Variants in CLDN3 observed in about 807,000 individuals in gnomAD.
The protein encoded by CLDN3 is claudin-3.
Under a neutral mutation model 16.3 loss-of-function variants are expected in CLDN3, and 6 were observed. The ratio of observed to expected loss-of-function variants is 0.37; its 90% CI spans 0.20 to 0.73. The LOEUF is 0.73. CLDN3 is among the 30% of genes least tolerant of loss of function. The pLI, the probability that CLDN3 is intolerant of heterozygous loss-of-function variation, is 0.52. For missense variants in CLDN3, 248 were observed against 305.2 expected (o/e 0.81, Z 1.40); for synonymous variants, 145 against 150.1 (o/e 0.97, Z 0.25).
rs1787029911 is a variant in CLDN3, at chr7:73,770,159, G to C, written c.-110C>G. On this transcript the variant is annotated 5_prime_UTR_variant, in exon 1 of 1. Transcript: ENST00000395145. The surrounding 1 kb of genome is among the most constrained non-coding windows in gnomAD (Gnocchi z 5.7). ...GCGGCGCCCCGACGGACGGACGGACGGACGGACTGACTCACCGACGGCGCG... is the reference window on the plus strand; with the variant it reads ...GCGGCGCCCCGACGGACGGACGGACCGACGGACTGACTCACCGACGGCGCG... The C allele has an allele frequency of 7.4e-7, 1 of 1,360,082 alleles. No individual in the cohort carries two copies. The highest frequency in any genetic ancestry group is 3.8e-5 in the Admixed American group (1 of 26,186). 84.3% of individuals were successfully genotyped at this position (1,360,082 alleles called of 1,614,324 possible).
In CLDN3 at chr7:73,770,052, C is replaced by CCT; in HGVS notation, c.-4_-3insAG. The CCT allele has an allele frequency of 6.5e-7, 1 of 1,537,694 alleles. No homozygotes were observed. The highest frequency in any genetic ancestry group is 1.4e-5 in the African/African-American group (1 of 71,924). Reference sequence around the variant, plus strand: ...GTGATCTCCAGGCCCATGGACATGGCTGCCGCGGCAAGGCCCGCTCCACCG... The same window carrying CCT: ...GTGATCTCCAGGCCCATGGACATGGCCTTGCCGCGGCAAGGCCCGCTCCACCG... On this transcript the variant is annotated 5_prime_UTR_variant, in exon 1 of 1. Coordinates refer to ENST00000395145, the MANE Select transcript of CLDN3 (RefSeq NM_001306.4). The surrounding 1 kb of genome is among the most constrained non-coding windows in gnomAD (Gnocchi z 5.7).
chr7:73,769,447 C>A lies in CLDN3; in HGVS notation c.603G>T (p.Pro201=), dbSNP rs782717641. 1 of 1,605,462 alleles carries A rather than the reference C, an allele frequency of 6.2e-7. No individual in the cohort carries two copies. Among genetic ancestry groups the A allele is most frequent in the Admixed American group, 1.7e-5 (1 of 59,960 alleles). ...YTATKVVYSA[P]RSTGPGASLG... is the part of the protein sequence containing the mutation. The stretch of plus-strand genomic sequence containing the variant: ...GGCTGGCTCCCGGGCCGGTGGAGCG[C>A]GGCGCGGAGTAGACGACCTTGGTGG... The change falls in exon 1 of 1, where the codon CCG becomes CCT. Residue 201 remains proline, a synonymous_variant. Coordinates refer to ENST00000395145, the MANE Select transcript of CLDN3 (RefSeq NM_001306.4).
In CLDN3 at chr7:73,769,129, G is replaced by T. The variant is rs1262832654; in HGVS notation, c.*258C>A. ...TGGTCAAGTATTGGCGGTCACCCAG[G>T]CCCCGTGCTCCAGAAGGGTGAGGTT... On this transcript the variant is annotated 3_prime_UTR_variant, in exon 1 of 1. Transcript: ENST00000395145. 5.6e-6 allele frequency: 5 copies of T among 900,830 alleles called. No individual in the cohort carries two copies. Among genetic ancestry groups the T allele is most frequent in the Non-Finnish European group, 7.8e-6 (5 of 641,188 alleles). 55.8% of individuals were successfully genotyped at this position (900,830 alleles called of 1,614,324 possible).
chr7:73,769,510 G>A lies in CLDN3; in HGVS notation c.540C>T (p.Leu180=). Residue 180 remains leucine, a synonymous_variant, in exon 1 of 1, where the codon CTC becomes CTT. Transcript: ENST00000395145. ...TCTCGCGTGGGGGACACGAGCAGCA[G>A]AGCAGCGCGCCCCCCAGCAGCTGCA... The part of the protein sequence containing the change: ...AALQLLGGAL[L]CCSCPPREKK... 1 of 1,608,562 alleles carries A rather than the reference G, an allele frequency of 6.2e-7. No homozygotes were observed. The highest frequency in any genetic ancestry group is 1.1e-5 in the South Asian group (1 of 90,770).
chr7:73,769,684 C>T lies in CLDN3; in HGVS notation c.366G>A (p.Val122=). The T allele has an allele frequency of 1.2e-6, 2 of 1,612,582 alleles. No individual in the cohort carries two copies. The highest frequency in any genetic ancestry group is 1.7e-6 in the Non-Finnish European group (2 of 1,179,764). The change falls in exon 1 of 1, where the codon GTG becomes GTA. Residue 122 remains valine (V), a synonymous_variant. Coordinates refer to ENST00000395145, the MANE Select transcript of CLDN3 (RefSeq NM_001306.4). ...AKAKITIVAG[V]LFLLAALLTL... is the part of the protein sequence containing the mutation. ...TGAGCAGGGCGGCGAGAAGGAACAG[C>T]ACGCCTGCCACGATGGTGATCTTGG...
chr7:73,769,522 C>G lies in CLDN3; in HGVS notation c.528G>C (p.Gly176=), dbSNP rs1787011880. ...GACACGAGCAGCAGAGCAGCGCGCC[C>G]CCCAGCAGCTGCAGCGCCGCGGCCG... ...GWAAAALQLL[G]GALLCCSCPP... is the part of the protein sequence containing the mutation. The change falls in exon 1 of 1, where the codon GGG becomes GGC. Residue 176 remains glycine (G), a synonymous_variant. Transcript: ENST00000395145. The G allele has an allele frequency of 6.2e-7, 1 of 1,607,030 alleles. No individual in the cohort carries two copies. The highest frequency in any genetic ancestry group is 8.5e-7 in the Non-Finnish European group (1 of 1,177,350).
Position 73,769,206 on chromosome 7 carries a change from G to A in CLDN3, c.*181C>T. On this transcript the variant is annotated 3_prime_UTR_variant, in exon 1 of 1. Transcript: ENST00000395145. ...GGCCCCGAAGTCGACTGCCCGGCCC[G>A]CAAAGCCGTGGCTGCTGGGGAAGCT... The A allele has an allele frequency of 2.8e-6, 4 of 1,411,428 alleles. No individual in the cohort carries two copies. The highest frequency in any genetic ancestry group is 1.5e-5 in the African/African-American group (1 of 67,996). The allele number at this position is 1,411,428 out of a possible 1,614,324, so 87.4% of individuals were successfully genotyped here. A position where few individuals can be genotyped will look rare whatever the true frequency, so the allele number is the denominator to read the frequency against.
chr7:73,770,114 C>T lies in CLDN3; in HGVS notation c.-65G>A. On this transcript the variant is annotated 5_prime_UTR_variant, in exon 1 of 1. Transcript: ENST00000395145. This position sits in a 1 kb window ranked among gnomAD's most constrained non-coding sequence, Gnocchi z 5.7. ...GTGCGGGGAGACGAGGGGCCGGGGC[C>T]GCTGGGCCTGGCGGGAGCTGCGGCG... The T allele has an allele frequency of 2.1e-6, 3 of 1,398,458 alleles. No homozygotes were observed. The highest frequency in any genetic ancestry group is 2.8e-6 in the Non-Finnish European group (3 of 1,082,500). The allele number at this position is 1,398,458 out of a possible 1,614,324, so 86.6% of individuals were successfully genotyped here.
rs1554626792 is a variant in CLDN3, at chr7:73,770,094, G to A, written c.-45C>T. ...GCTCCACCGGGTGGCTCCGGGTGCG[G>A]GGAGACGAGGGGCCGGGGCCGCTGG... On this transcript the variant is annotated 5_prime_UTR_variant, in exon 1 of 1. Coordinates refer to ENST00000395145, the MANE Select transcript of CLDN3 (RefSeq NM_001306.4). The surrounding 1 kb of genome is among the most constrained non-coding windows in gnomAD (Gnocchi z 5.7). 2 of 1,426,616 alleles carry A rather than the reference G, an allele frequency of 1.4e-6. No homozygotes were observed. Among genetic ancestry groups the A allele is most frequent in the Non-Finnish European group, 1.8e-6 (2 of 1,092,614 alleles). The allele number at this position is 1,426,616 out of a possible 1,614,324, so 88.4% of individuals were successfully genotyped here.
At position 73,770,016 on chromosome 7, in the gene CLDN3, G is replaced by A. The variant is rs369345458; in HGVS notation, c.34C>T (p.Leu12=). 49 of 1,605,992 alleles carry A rather than the reference G, an allele frequency of 3.1e-5. No homozygotes were observed. The highest frequency in any genetic ancestry group is 4.0e-5 in the Non-Finnish European group (47 of 1,176,534). Residue 12 remains leucine, a synonymous_variant, in exon 1 of 1, where the codon CTG becomes TTG. Transcript: ENST00000395145. This position sits in a 1 kb window ranked among gnomAD's most constrained non-coding sequence, Gnocchi z 5.7. Reference sequence around the variant, plus strand: ...GTGCCCAGCCAGCCCAGCACGGCCAGCGCGGTGCCCGTGATCTCCAGGCCC... The same window carrying A: ...GTGCCCAGCCAGCCCAGCACGGCCAACGCGGTGCCCGTGATCTCCAGGCCC... The part of the protein sequence containing the change: ...SMGLEITGTA[L]AVLGWLGTIV...
rs1554626822 is a variant in CLDN3 at position 73,770,184 on chromosome 7, G to A, written c.-135C>T. On this transcript the variant is annotated 5_prime_UTR_variant, in exon 1 of 1. Coordinates refer to ENST00000395145, the MANE Select transcript of CLDN3 (RefSeq NM_001306.4). The surrounding 1 kb of genome is among the most constrained non-coding windows in gnomAD (Gnocchi z 5.7). ...GGACGGACTGACTCACCGACGGCGC[G>A]CGCTAACGGCTCGGCTCCATACGCT... The A allele has an allele frequency of 2.2e-5, 29 of 1,291,554 alleles. No homozygotes were observed. In the East Asian group the frequency reaches 7.6e-4, roughly 34 times the overall value. The allele number at this position is 1,291,554 out of a possible 1,614,324, so 80.0% of individuals were successfully genotyped here. A position where few individuals can be genotyped will look rare whatever the true frequency, so the allele number is the denominator to read the frequency against.
At position 73,769,264 on chromosome 7, in the gene CLDN3, TG is replaced by T. The variant is rs1411744976; in HGVS notation, c.*122del. The T allele has an allele frequency of 4.1e-6, 6 of 1,450,740 alleles. No individual in the cohort carries two copies. In the African/African-American group the frequency reaches 4.3e-5, roughly 10 times the overall value. 89.9% of individuals were successfully genotyped at this position (1,450,740 alleles called of 1,614,324 possible). On this transcript the variant is annotated 3_prime_UTR_variant, in exon 1 of 1. Coordinates refer to ENST00000395145, the MANE Select transcript of CLDN3 (RefSeq NM_001306.4). Reference sequence around the variant, plus strand: ...TCCAGCGCGGGGGCTTCCTGGCTTCTGGGGGTGGGCTGGCCTCCGAGGCAAG... The same window carrying T: ...TCCAGCGCGGGGGCTTCCTGGCTTCTGGGGTGGGCTGGCCTCCGAGGCAAG...
chr7:73,769,127 A>G lies in CLDN3; in HGVS notation c.*260T>C, dbSNP rs1449284482. ...GGTGGTCAAGTATTGGCGGTCACCC[A>G]GGCCCCGTGCTCCAGAAGGGTGAGG... is the stretch of plus-strand genomic sequence containing the variant. On this transcript the variant is annotated 3_prime_UTR_variant, in exon 1 of 1. Transcript: ENST00000395145. The G allele has an allele frequency of 1.1e-6, 1 of 888,148 alleles. No homozygotes were observed. The highest frequency in any genetic ancestry group is 1.6e-6 in the Non-Finnish European group (1 of 630,498). The allele number at this position is 888,148 out of a possible 1,614,324, so 55.0% of individuals were successfully genotyped here.
At position 73,770,186 on chromosome 7, in the gene CLDN3, G is replaced by C; in HGVS notation, c.-137C>G. On this transcript the variant is annotated 5_prime_UTR_variant, in exon 1 of 1. Transcript: ENST00000395145. The surrounding 1 kb of genome is among the most constrained non-coding windows in gnomAD (Gnocchi z 5.7). ...ACGGACTGACTCACCGACGGCGCGC[G>C]CTAACGGCTCGGCTCCATACGCTCT... 7.7e-7 allele frequency: 1 copy of C among 1,291,628 alleles called. No homozygotes were observed. Among genetic ancestry groups the C allele is most frequent in the Non-Finnish European group, 1.0e-6 (1 of 1,001,262 alleles). 80.0% of individuals were successfully genotyped at this position (1,291,628 alleles called of 1,614,324 possible).
Position 73,769,284 on chromosome 7 carries a change from A to T in CLDN3, c.*103T>A, listed in dbSNP as rs1787004169. 10 of 1,483,650 alleles carry T rather than the reference A, an allele frequency of 6.7e-6. No homozygotes were observed. Among genetic ancestry groups the T allele is most frequent in the Non-Finnish European group, 8.9e-6 (10 of 1,123,142 alleles). 91.9% of individuals were successfully genotyped at this position (1,483,650 alleles called of 1,614,324 possible). ...GCTTCTGGGGGTGGGCTGGCCTCCGAGGCAAGGCTGCACGCTGGATGGCCT... is the reference window on the plus strand; with the variant it reads ...GCTTCTGGGGGTGGGCTGGCCTCCGTGGCAAGGCTGCACGCTGGATGGCCT... On this transcript the variant is annotated 3_prime_UTR_variant, in exon 1 of 1. Transcript: ENST00000395145.
At position 73,769,244 on chromosome 7, in the gene CLDN3, C is replaced by T. The variant is rs1338135296; in HGVS notation, c.*143G>A. On this transcript the variant is annotated 3_prime_UTR_variant, in exon 1 of 1. Coordinates refer to ENST00000395145, the MANE Select transcript of CLDN3 (RefSeq NM_001306.4). Reference sequence around the variant, plus strand: ...TGCTGGGGAAGCTGCCCCAGTCCAGCGCGGGGGCTTCCTGGCTTCTGGGGG... The same window carrying T: ...TGCTGGGGAAGCTGCCCCAGTCCAGTGCGGGGGCTTCCTGGCTTCTGGGGG... The T allele has an allele frequency of 7.0e-6, 10 of 1,438,182 alleles. No individual in the cohort carries two copies. The African/African-American group carries it at 8.7e-5, about 12-fold the overall frequency. 89.1% of individuals were successfully genotyped at this position (1,438,182 alleles called of 1,614,324 possible).
chr7:73,769,269 G>A lies in CLDN3; in HGVS notation c.*118C>T. ...CGCGGGGGCTTCCTGGCTTCTGGGG[G>A]TGGGCTGGCCTCCGAGGCAAGGCTG... On this transcript the variant is annotated 3_prime_UTR_variant, in exon 1 of 1. Coordinates refer to ENST00000395145, the MANE Select transcript of CLDN3 (RefSeq NM_001306.4). The A allele has an allele frequency of 6.9e-7, 1 of 1,456,426 alleles. No homozygotes were observed. The highest frequency in any genetic ancestry group is 9.0e-7 in the Non-Finnish European group (1 of 1,109,500). 90.2% of individuals were successfully genotyped at this position (1,456,426 alleles called of 1,614,324 possible).
In CLDN3 at chr7:73,770,143, CGACGGACGGACG is replaced by C. The variant is rs1189270203; in HGVS notation, c.-106_-95del. 2.9e-6 allele frequency: 4 copies of C among 1,371,434 alleles called. No homozygotes were observed. The African/African-American group carries it at 4.6e-5, about 16-fold the overall frequency. The allele number at this position is 1,371,434 out of a possible 1,614,324, so 85.0% of individuals were successfully genotyped here. ...GGGCCTGGCGGGAGCTGCGGCGCCCCGACGGACGGACGGACGGACGGACTGACTCACCGACGG... is the reference window on the plus strand; with the variant it reads ...GGGCCTGGCGGGAGCTGCGGCGCCCCGACGGACGGACTGACTCACCGACGG... On this transcript the variant is annotated 5_prime_UTR_variant, in exon 1 of 1. Transcript: ENST00000395145. This position sits in a 1 kb window ranked among gnomAD's most constrained non-coding sequence, Gnocchi z 5.7.
In CLDN3 at chr7:73,769,176, C is replaced by T. The variant is rs1584302059; in HGVS notation, c.*211G>A. 1.6e-5 allele frequency: 21 copies of T among 1,316,894 alleles called. No individual in the cohort carries two copies. The highest frequency in any genetic ancestry group is 2.0e-5 in the Non-Finnish European group (20 of 998,894). The allele number at this position is 1,316,894 out of a possible 1,614,324, so 81.6% of individuals were successfully genotyped here. A position where few individuals can be genotyped will look rare whatever the true frequency, so the allele number is the denominator to read the frequency against. On this transcript the variant is annotated 3_prime_UTR_variant, in exon 1 of 1. Coordinates refer to ENST00000395145, the MANE Select transcript of CLDN3 (RefSeq NM_001306.4). Reference sequence around the variant, plus strand: ...GGTTTCACAGTCCATGCAGGTTGGTCCCTGGGCCCCGAAGTCGACTGCCCG... The same window carrying T: ...GGTTTCACAGTCCATGCAGGTTGGTTCCTGGGCCCCGAAGTCGACTGCCCG...
Sources: gnomAD v4.1 joint callset for allele counts on GRCh38, gnomAD v4.1.1 for gene constraint, Gnocchi (gnomAD v3.1) non-coding constraint, MANE v1.5 for transcripts, NCBI Gene and HGNC (gene_info 2026-07-23, HGNC 2026-07-21) for gene names.